Variants in HERC2 observed in about 807,000 individuals in gnomAD.
HERC2 encodes HECT and RLD domain containing E3 ubiquitin protein ligase 2, also known as E3 ubiquitin-protein ligase HERC2.
In HERC2, 102 loss-of-function variants were observed where a neutral mutation model predicts 537.7. The observed-to-expected ratio is 0.19, with a 90% CI of 0.16 to 0.22. HERC2 has a LOEUF of 0.22. Ranked by LOEUF, HERC2 falls within the 10% of genes least tolerant of loss-of-function variation. The probability of loss-of-function intolerance (pLI) is 1.00; values close to 1 mark genes in which losing one functional copy is unlikely to be tolerated. For synonymous variants in HERC2, 2,224 were observed against 2,466.2 expected, an observed-to-expected ratio of 0.90 and a Z score of 2.91; for missense variants, 4,236 against 6,198.2, an observed-to-expected ratio of 0.68 and a Z score of 10.63.
chr15:28,273,695 T>G lies in HERC2; in HGVS notation c.800+596A>C, dbSNP rs148590388. Among the ~76,000 whole-genome samples the G allele has an allele frequency of 5.9e-5, 9 of 152,332 alleles. No individual in the cohort carries two copies. In the East Asian group the frequency reaches 1.7e-3, roughly 29 times the overall value. ...TCCTGCTGGCTGCAAGAAGGCACAG[T>G]GCTGACCTCTGCAAGGAGAGTGAGG... On this transcript the variant is annotated intron_variant, in intron 7 of 92. Transcript: ENST00000261609.
chr15:28,111,450 T>G lies in HERC2; in HGVS notation c.*313A>C. The G allele has an allele frequency of 5.7e-6, 2 of 348,876 alleles. No individual in the cohort carries two copies. Among genetic ancestry groups the G allele is most frequent in the Non-Finnish European group, 5.2e-6 (1 of 193,926 alleles). 21.6% of individuals were successfully genotyped at this position (348,876 alleles called of 1,614,324 possible). A position where few individuals can be genotyped will look rare whatever the true frequency, so the allele number is the denominator to read the frequency against. Reference sequence around the variant, plus strand: ...TGCACCCACAAGTAAAAAGGCTTTATTCATTTTGGGGATGCTGCAATTTGG... The same window carrying G: ...TGCACCCACAAGTAAAAAGGCTTTAGTCATTTTGGGGATGCTGCAATTTGG... On this transcript the variant is annotated 3_prime_UTR_variant, in exon 93 of 93. Coordinates refer to ENST00000261609, the MANE Select transcript of HERC2 (RefSeq NM_004667.6).
intron 14 of HERC2, among the ~76,000 whole-genome samples, chr15:28,264,057 AG>A (rs1317033273): frequency 1.4e-4 from 21 of 151,910 alleles, no homozygotes; most frequent in Non-Finnish European, 2.8e-4. Context: ...AACAAAAAAA[AG>A]TGAAATTACG....
Position 28,113,217 on chromosome 15 carries a change from G to C in HERC2, c.14086C>G (p.Pro4696Ala). The change falls in exon 92 of 93, where the codon CCT becomes GCT. Residue 4696 changes from proline to alanine, a missense_variant. By Grantham distance (27) the Pro-to-Ala change is conservative. Around this residue, in one of 27 missense-constraint regions of HERC2, gnomAD observed 313 missense variants for 462.6 expected, o/e 0.68. Coordinates refer to ENST00000261609, the MANE Select transcript of HERC2 (RefSeq NM_004667.6). This position sits in a 1 kb window ranked among gnomAD's most constrained non-coding sequence, Gnocchi z 7.0. ...KSVATYKGIEPSASLIQWFWE... is the reference protein window; with the variant it reads ...KSVATYKGIEASASLIQWFWE... ...AACCACTGGATCAGCGATGCGGAAG[G>C]CTCGATGCCTTTATAGGTGGCCACC... is the stretch of plus-strand genomic sequence containing the variant. The C allele has an allele frequency of 2.5e-6, 4 of 1,614,164 alleles. No homozygotes were observed. The highest frequency in any genetic ancestry group is 2.5e-6 in the Non-Finnish European group (3 of 1,180,042).
chr15:28,255,976 T>C lies in HERC2; in HGVS notation c.2767A>G (p.Ile923Val), dbSNP rs546533883. The C allele has an allele frequency of 7.5e-6, 12 of 1,606,428 alleles. No homozygotes were observed. The highest frequency in any genetic ancestry group is 6.7e-5 in the East Asian group (3 of 44,880). ...PCAVSGNEVN[I>V]SPGRRFMIDL... ...ATCATGAATCGACGACCTGGACTTA[T>C]GTTCACTTCATTGCCTGAAACTGAA... Residue 923 changes from isoleucine (I) to valine (V), a missense_variant, in exon 19 of 93, where the codon ATA becomes GTA. Coordinates refer to ENST00000261609, the MANE Select transcript of HERC2 (RefSeq NM_004667.6).
chr15:28,257,818 C>T (rs1181554857), intron 16 of HERC2, among the ~76,000 whole-genome samples: 6 of 151,104 alleles, frequency 4.0e-5, no homozygotes, highest in Non-Finnish European at 8.8e-5. Flanking sequence ...GTAGCTGGGA[C>T]TACAGGTGCC....
chr15:28,251,295 T>C (rs1596324387), intron 20 of HERC2, among the ~76,000 whole-genome samples: 1 of 149,802 alleles, frequency 6.7e-6, no homozygotes, highest in Non-Finnish European at 1.5e-5. Flanking sequence ...ATACAAAAAT[T>C]AGTCAGGTAT....
intron 4 of HERC2, among the ~76,000 whole-genome samples, chr15:28,291,216 C>T (rs2076301886): frequency 6.6e-6 from 1 of 152,132 alleles, no homozygotes; most frequent in Admixed American, 6.5e-5. Context: ...GTAGGTACTA[C>T]TATTAACCCC....
chr15:28,201,414 A>G (rs755256271), intron 48 of HERC2, 42 bp downstream of exon 48: 64 of 1,273,716 alleles, frequency 5.0e-5, no homozygotes, highest in African/African-American at 5.9e-5. Flanking sequence ...TATTTGCTGA[A>G]TGAAAAACGG....
chr15:28,228,147 A>G, intron 35 of HERC2, 71 bp downstream of exon 35: 2 of 1,339,360 alleles, frequency 1.5e-6, no homozygotes, highest in Non-Finnish European at 2.0e-6. Context: ...AAAAAAAAGA[A>G]AAGAAAAGAA....
At chr15:28,288,312 G>A (rs2076215240) in intron 4 of HERC2, among the ~76,000 whole-genome samples, 2 of 151,692 alleles carry the variant, frequency 1.3e-5, no homozygotes, top group Admixed American at 1.3e-4. Context: ...GATCACCTGA[G>A]GTCAGGAGTT....
At chr15:28,228,482 C>A (rs1231665195) in intron 34 of HERC2, 73 bp from the exon 35 acceptor site, 12 of 1,368,826 alleles carry the variant, frequency 8.8e-6, no homozygotes, top group Non-Finnish European at 1.1e-5. Context: ...AAAGCACGGG[C>A]GATTACTCTA....
At chr15:28,117,195 A>C (rs761048186) in intron 86 of HERC2, 41 bp from the exon 87 acceptor site, 1 of 1,603,210 alleles carries the variant, frequency 6.2e-7, no homozygotes, top group Non-Finnish European at 8.5e-7. Context: ...CCGCTGCCGC[A>C]GCAGGAAGCA....
intron 2 of HERC2, among the ~76,000 whole-genome samples, chr15:28,306,203 G>A (rs146061268): frequency 8.8e-4 from 134 of 152,344 alleles, no homozygotes; most frequent in African/African-American, 3.2e-3. Flanking sequence ...CTAGCTGTGT[G>A]TCAGCTGTAT....
chr15:28,215,982 A>C (rs2140460656), intron 38 of HERC2, among the ~76,000 whole-genome samples, 180 bp from the exon 39 acceptor site: 1 of 152,262 alleles, frequency 6.6e-6, no homozygotes, highest in East Asian at 1.9e-4. Flanking sequence ...GCAGCTTTTA[A>C]GTTAGTTCAA....
chr15:28,279,651 A>ACACACACACACACACACACAC (rs2075971136), intron 5 of HERC2, among the ~76,000 whole-genome samples: 4 of 150,950 alleles, frequency 2.6e-5, no homozygotes, highest in African/African-American at 9.8e-5. Context: ...ACACACACAC[A>ACACACACACACACACACACAC]AATTGTTTTT....
In HERC2 at chr15:28,113,440, G is replaced by C. The variant is rs1887873665; in HGVS notation, c.14019+133C>G. 9.5e-7 allele frequency: 1 copy of C among 1,057,304 alleles called. No individual in the cohort carries two copies. The highest frequency in any genetic ancestry group is 1.4e-6 in the Non-Finnish European group (1 of 707,416). 65.5% of individuals were successfully genotyped at this position (1,057,304 alleles called of 1,614,324 possible). A position where few individuals can be genotyped will look rare whatever the true frequency, so the allele number is the denominator to read the frequency against. On this transcript the variant is annotated intron_variant, in intron 91 of 92. Transcript: ENST00000261609. This position sits in a 1 kb window ranked among gnomAD's most constrained non-coding sequence, Gnocchi z 7.0. ...ACACACAGCCTCCTGCAGGCGGGTGGAGGGACGCGCTCAGAGTGCACTCCC... is the reference window on the plus strand; with the variant it reads ...ACACACAGCCTCCTGCAGGCGGGTGCAGGGACGCGCTCAGAGTGCACTCCC...
At chr15:28,202,039 G>C (rs1897958786) in intron 47 of HERC2, 74 bp downstream of exon 47, 1 of 1,057,314 alleles carries the variant, frequency 9.5e-7, no homozygotes. Flanking sequence ...GACAGAGAAA[G>C]CCAAGGTGTA....
chr15:28,206,818 C>G (rs1898510633), intron 44 of HERC2, among the ~76,000 whole-genome samples: 1 of 115,724 alleles, frequency 8.6e-6, no homozygotes, highest in Non-Finnish European at 1.7e-5. Flanking sequence ...GGGCGACAGA[C>G]CAAGACTCGG....
At chr15:28,183,286 T>C (rs1342058290) in intron 56 of HERC2, among the ~76,000 whole-genome samples, 5 of 152,244 alleles carry the variant, frequency 3.3e-5, no homozygotes, top group African/African-American at 7.2e-5. Flanking sequence ...CCCGGTTCAC[T>C]GTAGCTTCAA....
Sources: gnomAD v4.1 joint callset for allele counts (sites outside exome capture counted in the v4.1 genomes callset) on GRCh38, gnomAD v4.1.1 for gene constraint, gnomAD v4.1.1 regional missense constraint, Gnocchi (gnomAD v3.1) non-coding constraint, MANE v1.5 for transcripts, NCBI Gene and HGNC (gene_info 2026-07-23, HGNC 2026-07-21) for gene names.